Variants in CPNE4 observed in about 807,000 individuals in gnomAD.
CPNE4 encodes copine-4.
In CPNE4, 25 loss-of-function variants were observed where a neutral mutation model predicts 67.9. The ratio of observed to expected loss-of-function variants is 0.37; its 90% CI spans 0.27 to 0.51. The LOEUF is 0.51. CPNE4 is among the 20% of genes least tolerant of loss of function. The pLI is 0.93. For missense variants in CPNE4, 464 were observed against 690.8 expected (o/e 0.67, Z 3.68); for synonymous variants, 242 against 244.9 (o/e 0.99, Z 0.11).
chr3:131,783,508 A>G (rs1158407802), intron 2 of CPNE4, among the ~76,000 whole-genome samples: 2 of 152,088 alleles, frequency 1.3e-5, no homozygotes, highest in African/African-American at 2.4e-5. Context: ...AGTAATTGTC[A>G]CAAAATGAAA....
chr3:131,867,196 G>T (rs1380128069), intron 2 of CPNE4, among the ~76,000 whole-genome samples: 1 of 152,166 alleles, frequency 6.6e-6, no homozygotes, highest in East Asian at 1.9e-4. Context: ...CCTAATGTGG[G>T]GAAAGAGGTG....
chr3:131,905,158 A>G, intron 2 of CPNE4, 106 bp downstream of exon 2: 2 of 997,726 alleles, frequency 2.0e-6, no homozygotes, highest in Non-Finnish European at 3.0e-6. Context: ...TCACTTCTCA[A>G]ATTTCTTATT....
chr3:131,901,888 T>G (rs1158817738), intron 2 of CPNE4, among the ~76,000 whole-genome samples: 2 of 152,040 alleles, frequency 1.3e-5, no homozygotes, highest in Non-Finnish European at 2.9e-5. Flanking sequence ...TTCCTGAATA[T>G]TTAACAGTGT....
chr3:131,879,046 C>T (rs955993630), intron 2 of CPNE4, among the ~76,000 whole-genome samples: 2 of 152,192 alleles, frequency 1.3e-5, no homozygotes, highest in African/African-American at 4.8e-5. Flanking sequence ...GCATTGATAT[C>T]GTGCGTCTGT....
intron 7 of CPNE4, among the ~76,000 whole-genome samples, chr3:131,650,617 C>A (rs937500613): frequency 6.7e-6 from 1 of 149,596 alleles, no homozygotes; most frequent in African/African-American, 2.5e-5. Flanking sequence ...TGGTGGTGGG[C>A]GCCTGTAGTC....
At chr3:131,580,657 TGTG>T in intron 9 of CPNE4, among the ~76,000 whole-genome samples, 1 of 152,132 alleles carries the variant, frequency 6.6e-6, no homozygotes, top group East Asian at 1.9e-4. Context: ...ATCTCAGGGT[TGTG>T]GTAAGAATTA....
At chr3:131,967,619 C>G (rs533794551) in intron 1 of CPNE4, among the ~76,000 whole-genome samples, 1 of 152,248 alleles carries the variant, frequency 6.6e-6, no homozygotes, top group South Asian at 2.1e-4. Flanking sequence ...AACTCCCATT[C>G]ACAATTGCTA....
At chr3:131,912,137 A>G (rs909420843) in intron 1 of CPNE4, among the ~76,000 whole-genome samples, 3 of 152,204 alleles carry the variant, frequency 2.0e-5, no homozygotes, top group African/African-American at 7.2e-5. Context: ...AATTATTTTG[A>G]TAAAAGCTGA....
At chr3:131,792,706 C>CGTGTATATATGTATATATAT (rs1167463554) in intron 2 of CPNE4, among the ~76,000 whole-genome samples, 1 of 81,294 alleles carries the variant, frequency 1.2e-5, no homozygotes, top group African/African-American at 5.0e-5. Context: ...CATATACACA[C>CGTGTATATATGTATATATAT]ACGTGTATAT....
chr3:131,734,511 G>A (rs1222618662), intron 2 of CPNE4, among the ~76,000 whole-genome samples: 1 of 152,150 alleles, frequency 6.6e-6, no homozygotes, highest in African/African-American at 2.4e-5. Flanking sequence ...AGTATCTCCT[G>A]TGTCACATGT....
chr3:131,566,083 G>A (rs1459813089), intron 10 of CPNE4, among the ~76,000 whole-genome samples: 2 of 151,706 alleles, frequency 1.3e-5, no homozygotes, highest in African/African-American at 2.4e-5. Flanking sequence ...TTTCCATTAC[G>A]CCATCATACA....
chr3:131,644,252 A>C (rs1236893067), intron 7 of CPNE4, among the ~76,000 whole-genome samples: 1 of 151,854 alleles, frequency 6.6e-6, no homozygotes, highest in Non-Finnish European at 1.5e-5. Context: ...GGTTCAAGCC[A>C]TTCTCCTGCC....
At chr3:131,830,334 C>A (rs1277793429) in intron 2 of CPNE4, among the ~76,000 whole-genome samples, 1 of 152,152 alleles carries the variant, frequency 6.6e-6, no homozygotes, top group East Asian at 1.9e-4. Flanking sequence ...TCTATCTTGT[C>A]CCCCAGCTTT....
intron 2 of CPNE4, among the ~76,000 whole-genome samples, chr3:131,827,058 A>AAAAACAAAACAAAACAAAAC (rs2085190136): frequency 1.3e-5 from 2 of 152,030 alleles, no homozygotes; most frequent in African/African-American, 4.8e-5. Context: ...CAAAACAAAA[A>AAAAACAAAACAAAACAAAAC]AAAACAAAAC....
At chr3:131,909,507 G>A (rs1251021206) in intron 1 of CPNE4, among the ~76,000 whole-genome samples, 1 of 152,068 alleles carries the variant, frequency 6.6e-6, no homozygotes, top group African/African-American at 2.4e-5. Flanking sequence ...ACATGGGCCT[G>A]GTTAAATGAA....
chr3:131,958,642 T>G (rs2072061173), intron 1 of CPNE4, among the ~76,000 whole-genome samples: 1 of 93,324 alleles, frequency 1.1e-5, no homozygotes, highest in Non-Finnish European at 2.2e-5. Flanking sequence ...TTTTTTTTTT[T>G]GAGACAGAGT....
intron 2 of CPNE4, among the ~76,000 whole-genome samples, chr3:131,877,023 A>T (rs1335400538): frequency 2.0e-5 from 3 of 151,192 alleles, no homozygotes; most frequent in Admixed American, 6.6e-5. Context: ...TTTTCTTGAC[A>T]CCAAACCGGC....
rs537418156 is a variant in CPNE4, at chr3:131,804,497, G to A, written c.181-80872C>T. Among the ~76,000 whole-genome samples the A allele has an allele frequency of 7.9e-5, 12 of 152,094 alleles. 1 individual carries two copies. In the South Asian group the frequency reaches 2.5e-3, roughly 32 times the overall value. ...CTGCTTTATATAACCTGATCTGTAG[G>A]ACTAGCACAATAATAAACCAAAACA... On this transcript the variant is annotated intron_variant, in intron 2 of 15. Coordinates refer to ENST00000429747, the MANE Select transcript of CPNE4 (RefSeq NM_130808.3).
chr3:132,003,498 GA>G (rs762722176), intron 1 of CPNE4, among the ~76,000 whole-genome samples: 4 of 151,954 alleles, frequency 2.6e-5, no homozygotes, highest in Non-Finnish European at 5.9e-5. Flanking sequence ...ATGATTCAGA[GA>G]GCAGGTGTGT....
Sources: allele counts gnomAD v4.1 joint callset (sites outside exome capture counted in the v4.1 genomes callset), GRCh38; gene constraint gnomAD v4.1.1; transcripts MANE v1.5; gene names NCBI Gene and HGNC (gene_info 2026-07-23, HGNC 2026-07-21).